JCAD: variants seen among roughly 807,000 people sequenced by gnomAD.
JCAD encodes junctional cadherin 5 associated, also known as junctional cadherin 5-associated protein.
Under a neutral mutation model 98.0 loss-of-function variants are expected in JCAD, and 40 were observed. The observed-to-expected ratio is 0.41, with a 90% CI of 0.32 to 0.53. The LOEUF is 0.53. Ranked by LOEUF, JCAD falls within the 20% of genes least tolerant of loss-of-function variation. The probability of loss-of-function intolerance (pLI) is 0.31; values close to 1 mark genes in which losing one functional copy is unlikely to be tolerated. For synonymous variants in JCAD, 691 were observed against 682.3 expected, an observed-to-expected ratio of 1.01 and a Z score of -0.20; for missense variants, 1,705 against 1,738.1, an observed-to-expected ratio of 0.98 and a Z score of 0.34.
At chr10:30,059,946 CAT>C (rs898695443), upstream of JCAD, among the ~76,000 whole-genome samples, 3 of 152,124 alleles carry the variant, frequency 2.0e-5, no homozygotes, top group African/African-American at 4.8e-5. The surrounding 1 kb of genome is among the most constrained non-coding windows in gnomAD (Gnocchi z 5.0). Flanking sequence ...CACACAAACA[CAT>C]ATACAGGACA....
Position 30,102,689 on chromosome 10 carries a change from T to A in JCAD, n.128+12678A>T, listed in dbSNP as rs543545720. Among the ~76,000 whole-genome samples the A allele has an allele frequency of 2.0e-5, 3 of 152,334 alleles. No homozygotes were observed. The South Asian group carries it at 6.2e-4, about 32-fold the overall frequency. On this transcript the variant is annotated intron_variant and non_coding_transcript_variant, in intron 1 of 2. Transcript: ENST00000465712. ...TCCTTATATAAGCAGAATCATACAG[T>A]ATTTGCCCTTCGGTGCCTGGCTTAT...
upstream of JCAD, among the ~76,000 whole-genome samples, chr10:30,060,269 C>G (rs1837675594): frequency 6.6e-6 from 1 of 152,202 alleles, no homozygotes; most frequent in African/African-American, 2.4e-5. Context: ...CCCATACTCT[C>G]CTGTGGCAGA....
chr10:30,028,219 C>G lies in JCAD; in HGVS notation c.1929G>C (p.Gly643=). 2 of 1,614,202 alleles carry G rather than the reference C, an allele frequency of 1.2e-6. No individual in the cohort carries two copies. The highest frequency in any genetic ancestry group is 2.2e-5 in the South Asian group (2 of 91,078). The change falls in exon 3 of 4, where the codon GGG becomes GGC. Residue 643 remains glycine (G), a synonymous_variant. Transcript: ENST00000375377. ...ELQALTGSMG[G]RTEFQKQDLG... ...GATCTTGTTTTTGGAACTCCGTTCT[C>G]CCACCCATGCTTCCTGTGAGGGCCT...
intron 1 of JCAD, among the ~76,000 whole-genome samples, chr10:30,076,533 T>A (rs530219254): frequency 6.6e-6 from 1 of 152,298 alleles, no homozygotes; most frequent in Non-Finnish European, 1.5e-5. Flanking sequence ...TTCAGTATCT[T>A]AATTCCCCAA....
intron 1 of JCAD, among the ~76,000 whole-genome samples, chr10:30,051,295 C>A (rs893855665): frequency 4.0e-5 from 6 of 151,764 alleles, no homozygotes; most frequent in African/African-American, 7.3e-5. Flanking sequence ...CACACACACA[C>A]ACACACACAC....
In JCAD at chr10:30,028,422, T is replaced by C. The variant is rs1485647264; in HGVS notation, c.1726A>G (p.Asn576Asp). The change falls in exon 3 of 4, where the codon AAC becomes GAC. Residue 576 changes from asparagine (N) to aspartate (D), a missense_variant. Transcript: ENST00000375377. ...RTKKSSKKKM[N>D]ETIFCLVSIP... ...GAAACCAAGCAAAATATAGTCTCGT[T>C]CATTTTTTTCTTTGAACTTTTCTTG... 1 of 1,614,114 alleles carries C rather than the reference T, an allele frequency of 6.2e-7. No homozygotes were observed. Among genetic ancestry groups the C allele is most frequent in the East Asian group, 2.2e-5 (1 of 44,904 alleles).
intron 1 of JCAD, among the ~76,000 whole-genome samples, chr10:30,113,548 C>CAAAAAAAAAAAA (rs71023545): frequency 6.3e-5 from 1 of 15,966 alleles, no homozygotes; most frequent in African/African-American, 2.0e-4. Context: ...GAGACACTGT[C>CAAAAAAAAAAAA]AAAAAAAAAA....
intron 1 of JCAD, among the ~76,000 whole-genome samples, chr10:30,085,655 CAT>C (rs1421047862): frequency 1.3e-5 from 2 of 152,122 alleles, no homozygotes; most frequent in Non-Finnish European, 2.9e-5. Context: ...TGTTGGGAAT[CAT>C]GTGTAGGGGT....
rs2132617006 is a variant in JCAD at position 30,028,537 on chromosome 10, A to G, written c.1611T>C (p.Thr537=). 6.2e-7 allele frequency: 1 copy of G among 1,614,210 alleles called. No homozygotes were observed. The highest frequency in any genetic ancestry group is 8.5e-7 in the Non-Finnish European group (1 of 1,180,026). The change falls in exon 3 of 4, where the codon ACT becomes ACC. Residue 537 remains threonine (T), a synonymous_variant. Coordinates refer to ENST00000375377, the MANE Select transcript of JCAD (RefSeq NM_020848.4). ...PDVRGSQHGH[T]GRQVSSPYSQ... is the part of the protein sequence containing the mutation. The stretch of plus-strand genomic sequence containing the variant: ...AGTAAGGGGAGGAAACTTGTCTTCC[A>G]GTGTGCCCGTGCTGGCTGCCTCTCA...
intron 2 of JCAD, among the ~76,000 whole-genome samples, chr10:30,037,457 A>G (rs1837139076): frequency 6.6e-6 from 1 of 152,228 alleles, no homozygotes; most frequent in African/African-American, 2.4e-5. Flanking sequence ...CAATTTGAAC[A>G]AGAATTGTAG....
At chr10:30,088,770 C>A (rs1217556197) in intron 1 of JCAD, among the ~76,000 whole-genome samples, 1 of 151,732 alleles carries the variant, frequency 6.6e-6, no homozygotes, top group Non-Finnish European at 1.5e-5. Flanking sequence ...GAGTTCAAGA[C>A]CAGCCTGGCC....
At chr10:30,064,744 T>C (rs1473409794) in intron 2 of JCAD, among the ~76,000 whole-genome samples, 1 of 152,006 alleles carries the variant, frequency 6.6e-6, no homozygotes, top group Non-Finnish European at 1.5e-5. Flanking sequence ...TAATTTCAGC[T>C]CACTGCAACC....
At chr10:30,036,954 C>A (rs112084497) in intron 2 of JCAD, among the ~76,000 whole-genome samples, 4 of 152,250 alleles carry the variant, frequency 2.6e-5, no homozygotes, top group African/African-American at 9.6e-5. Context: ...ACTGGCCTAG[C>A]CTGTTCCTTC....
chr10:30,055,266 A>C (rs1449687265), intron 1 of JCAD, among the ~76,000 whole-genome samples: 2 of 152,242 alleles, frequency 1.3e-5, no homozygotes, highest in African/African-American at 4.8e-5. Flanking sequence ...CATGCTTAAG[A>C]TGTAATTGGT....
chr10:30,041,077 C>T (rs908649920), intron 2 of JCAD, among the ~76,000 whole-genome samples: 6 of 152,172 alleles, frequency 3.9e-5, no homozygotes. Context: ...CTCCAGAAGC[C>T]TCATGTTCAA....
At chr10:30,105,824 A>T (rs919392671) in intron 1 of JCAD, among the ~76,000 whole-genome samples, 3 of 152,216 alleles carry the variant, frequency 2.0e-5, no homozygotes, top group Non-Finnish European at 4.4e-5. Context: ...CATTGACATT[A>T]ATTGACACGA....
chr10:30,113,020 T>C (rs1274881364), intron 1 of JCAD, among the ~76,000 whole-genome samples: 2 of 152,064 alleles, frequency 1.3e-5, no homozygotes, highest in African/African-American at 4.8e-5. Context: ...ACAGTGGCAA[T>C]GGTTGCATGA....
At chr10:30,082,851 C>CAAAAAAAAAAAAAAAAAA (rs57450219) in intron 1 of JCAD, among the ~76,000 whole-genome samples, 1 of 68,386 alleles carries the variant, frequency 1.5e-5, no homozygotes, top group East Asian at 5.8e-4. Context: ...AACTCTGTCT[C>CAAAAAAAAAAAAAAAAAA]AAAAAAAAAA....
chr10:30,096,040 TG>T (rs748878266), intron 1 of JCAD, among the ~76,000 whole-genome samples: 1 of 152,234 alleles, frequency 6.6e-6, no homozygotes, highest in Non-Finnish European at 1.5e-5. Context: ...TTGCTTTTTT[TG>T]TTTTATTGTC....
Sources: gnomAD v4.1 joint callset for allele counts (sites outside exome capture counted in the v4.1 genomes callset) on GRCh38, gnomAD v4.1.1 for gene constraint, Gnocchi (gnomAD v3.1) non-coding constraint, MANE v1.5 for transcripts, NCBI Gene and HGNC (gene_info 2026-07-23, HGNC 2026-07-21) for gene names.